Variants in ESRRG observed in about 807,000 individuals in gnomAD.
ESRRG encodes the protein estrogen-related receptor gamma.
A neutral mutation model predicts 44.0 loss-of-function variants in ESRRG; 13 were observed. The ratio of observed to expected loss-of-function variants is 0.30; its 90% CI spans 0.19 to 0.47. The LOEUF is 0.47. Ranked by LOEUF, ESRRG falls within the 20% of genes least tolerant of loss-of-function variation. The pLI, the probability that ESRRG is intolerant of heterozygous loss-of-function variation, is 1.00. For synonymous variants in ESRRG, 215 were observed against 214.6 expected (o/e 1.00, Z -0.02); for missense variants, 395 against 580.6 (o/e 0.68, Z 3.29).
intron 2 of ESRRG, among the ~76,000 whole-genome samples, chr1:216,757,305 C>G (rs895789990): frequency 1.3e-5 from 2 of 151,962 alleles, no homozygotes; most frequent in African/African-American, 4.8e-5. Flanking sequence ...TGATGGGAGA[C>G]TGACAACCTC....
chr1:217,095,531 G>A (rs918528935), intron 1 of ESRRG, among the ~76,000 whole-genome samples: 18 of 152,288 alleles, frequency 1.2e-4, no homozygotes, highest in South Asian at 8.3e-4. Flanking sequence ...CCTTGGCAGT[G>A]GGGAGGGAGG....
At chr1:216,676,128 T>C (rs1371289992) in intron 2 of ESRRG, among the ~76,000 whole-genome samples, 3 of 152,202 alleles carry the variant, frequency 2.0e-5, no homozygotes, top group Non-Finnish European at 4.4e-5. Context: ...TCCCCTATTT[T>C]CTTCAAAAGT....
chr1:216,565,170 A>G (rs1378687859), intron 4 of ESRRG, among the ~76,000 whole-genome samples: 2 of 152,190 alleles, frequency 1.3e-5, no homozygotes, highest in Non-Finnish European at 2.9e-5. Context: ...AATCCTTCAA[A>G]AAATAAACAC....
At chr1:216,540,819 C>T (rs2052469057) in intron 5 of ESRRG, among the ~76,000 whole-genome samples, 1 of 152,010 alleles carries the variant, frequency 6.6e-6, no homozygotes, top group African/African-American at 2.4e-5. Context: ...TAGATAGAAT[C>T]ATTCCTGTTG....
intron 5 of ESRRG, among the ~76,000 whole-genome samples, chr1:216,556,695 C>T (rs2057660034): frequency 6.6e-6 from 1 of 152,084 alleles, no homozygotes; most frequent in Admixed American, 6.6e-5. Flanking sequence ...CCATGCTCCC[C>T]CTTCTAAGTC....
intron 2 of ESRRG, among the ~76,000 whole-genome samples, chr1:216,794,217 T>G (rs2094410500): frequency 6.6e-6 from 1 of 152,248 alleles, no homozygotes; most frequent in African/African-American, 2.4e-5. Context: ...GACTAAAGGC[T>G]GACGTAAGTG....
intron 2 of ESRRG, among the ~76,000 whole-genome samples, chr1:216,810,972 T>C (rs758706968): frequency 2.0e-5 from 3 of 151,864 alleles, no homozygotes; most frequent in Non-Finnish European, 4.4e-5. Flanking sequence ...AACTAAAATG[T>C]AACCTGCCTT....
chr1:217,125,008 C>T (rs765716347), intron 1 of ESRRG, among the ~76,000 whole-genome samples: 1 of 152,130 alleles, frequency 6.6e-6, no homozygotes, highest in Non-Finnish European at 1.5e-5. Flanking sequence ...GCTGAAGAGA[C>T]CAGAGACATA....
At chr1:216,652,401 A>T (rs759092321) in intron 2 of ESRRG, among the ~76,000 whole-genome samples, 1 of 152,188 alleles carries the variant, frequency 6.6e-6, no homozygotes, top group Non-Finnish European at 1.5e-5. Flanking sequence ...GGGTAGCACA[A>T]AGACTCAACT....
At chr1:216,953,917 G>T (rs750518600) in intron 1 of ESRRG, among the ~76,000 whole-genome samples, 1 of 151,120 alleles carries the variant, frequency 6.6e-6, no homozygotes, top group Non-Finnish European at 1.5e-5. Context: ...AATTTGGGGG[G>T]CAATGAAAAA....
chr1:216,771,924 C>A (rs942164332), intron 2 of ESRRG, among the ~76,000 whole-genome samples: 2 of 148,590 alleles, frequency 1.3e-5, no homozygotes, highest in African/African-American at 2.5e-5. Flanking sequence ...TATTCAGGGG[C>A]CTGAGTTCTG....
intron 2 of ESRRG, among the ~76,000 whole-genome samples, chr1:216,915,943 C>G (rs1346506888): frequency 6.6e-6 from 1 of 152,156 alleles, no homozygotes; most frequent in Non-Finnish European, 1.5e-5. Flanking sequence ...ATCTTGTGAA[C>G]TATTCGCCAC....
At chr1:217,047,077 T>C (rs2085022700) in intron 1 of ESRRG, among the ~76,000 whole-genome samples, 1 of 152,062 alleles carries the variant, frequency 6.6e-6, no homozygotes, top group Non-Finnish European at 1.5e-5. Flanking sequence ...CTAATCAATA[T>C]ACTTACATAA....
intron 1 of ESRRG, among the ~76,000 whole-genome samples, chr1:216,970,202 T>A (rs936311644): frequency 3.9e-5 from 6 of 152,240 alleles, no homozygotes; most frequent in African/African-American, 1.2e-4. Flanking sequence ...AGTTTTACTA[T>A]CAACTGGAAA....
intron 2 of ESRRG, among the ~76,000 whole-genome samples, chr1:216,922,957 A>T (rs768228934): frequency 6.6e-6 from 1 of 151,054 alleles, no homozygotes; most frequent in Non-Finnish European, 1.5e-5. Flanking sequence ...TTTATTAAAG[A>T]TAACTATGCC....
chr1:216,563,313 C>T (rs780663050), intron 5 of ESRRG, among the ~76,000 whole-genome samples: 6 of 152,152 alleles, frequency 3.9e-5, no homozygotes, highest in African/African-American at 4.8e-5. Flanking sequence ...AGCTTCACTG[C>T]GATATCGCCT....
intron 2 of ESRRG, among the ~76,000 whole-genome samples, chr1:216,886,691 C>T (rs1577682456): frequency 6.6e-6 from 1 of 152,208 alleles, no homozygotes; most frequent in South Asian, 2.1e-4. Context: ...TTGCCAGGAT[C>T]CACAAATATT....
At chr1:216,964,745 A>AG (rs946663688) in intron 1 of ESRRG, among the ~76,000 whole-genome samples, 1 of 141,512 alleles carries the variant, frequency 7.1e-6, no homozygotes, top group African/African-American at 2.9e-5. Flanking sequence ...GGAGAAGAGA[A>AG]GGAAAAAAAA....
intron 2 of ESRRG, among the ~76,000 whole-genome samples, chr1:216,834,042 A>G (rs1169923829): frequency 2.6e-5 from 4 of 152,152 alleles, no homozygotes; most frequent in Admixed American, 2.6e-4. Context: ...TGAGGGTGAA[A>G]TGAAACATTG....
Sources: allele counts gnomAD v4.1 joint callset (sites outside exome capture counted in the v4.1 genomes callset), GRCh38; gene constraint gnomAD v4.1.1; transcripts MANE v1.5; gene names NCBI Gene and HGNC (gene_info 2026-07-23, HGNC 2026-07-21).